TBCD: variants seen among roughly 807,000 people sequenced by gnomAD.
The protein encoded by TBCD is tubulin folding cofactor D, also known as tubulin-specific chaperone D.
In TBCD, 105 loss-of-function variants were observed where a neutral mutation model predicts 169.3. The ratio of observed to expected loss-of-function variants is 0.62; its 90% CI spans 0.53 to 0.73. The LOEUF is 0.73. TBCD is among the 30% of genes least tolerant of loss of function. The pLI is 0.00. For synonymous variants in TBCD, 700 were observed against 643.9 expected (o/e 1.09, Z -1.32); for missense variants, 1,444 against 1,600.1 (o/e 0.90, Z 1.66).
At chr17:82,883,097 C>T (rs917658074) in intron 14 of TBCD, among the ~76,000 whole-genome samples, 2 of 152,254 alleles carry the variant, frequency 1.3e-5, no homozygotes, top group African/African-American at 2.4e-5. Context: ...GCACACCTGG[C>T]GTCACCATTG....
chr17:82,770,006 C>G (rs1031823672), intron 5 of TBCD, among the ~76,000 whole-genome samples: 2 of 152,006 alleles, frequency 1.3e-5, no homozygotes, highest in Admixed American at 6.6e-5. Context: ...CTCGTTTAAC[C>G]GAGAAGGCAA....
intron 13 of TBCD, chr17:82,838,840 A>G: frequency 8.1e-6 from 8 of 985,428 alleles, no homozygotes; most frequent in Non-Finnish European, 9.6e-6. Flanking sequence ...TGAGCTCGTA[A>G]ACAAACGCTC....
intron 6 of TBCD, 78 bp downstream of exon 6, chr17:82,772,585 G>A: frequency 2.0e-6 from 3 of 1,466,498 alleles, no homozygotes; most frequent in Non-Finnish European, 2.9e-6. Context: ...TGTTTCATGT[G>A]CGTCTTCAGT....
At chr17:82,869,209 T>G (rs2057391148) in intron 13 of TBCD, among the ~76,000 whole-genome samples, 1 of 152,210 alleles carries the variant, frequency 6.6e-6, no homozygotes, top group Admixed American at 6.5e-5. Context: ...CCAAAGCACT[T>G]GAAATACATG....
At chr17:82,871,148 T>C (rs1005280859) in intron 14 of TBCD, among the ~76,000 whole-genome samples, 1 of 150,750 alleles carries the variant, frequency 6.6e-6, no homozygotes, top group African/African-American at 2.5e-5. Flanking sequence ...CGGTGTCCAG[T>C]GCGCGCACCC....
At chr17:82,821,820 G>T (rs899248234) in intron 13 of TBCD, among the ~76,000 whole-genome samples, 9 of 152,150 alleles carry the variant, frequency 5.9e-5, no homozygotes, top group African/African-American at 1.9e-4. Flanking sequence ...CTGCATGTCG[G>T]AAATACAGAC....
chr17:82,863,079 T>C (rs1005718489), intron 13 of TBCD, among the ~76,000 whole-genome samples: 4 of 152,150 alleles, frequency 2.6e-5, no homozygotes, highest in Non-Finnish European at 5.9e-5. Flanking sequence ...AAAGTGAAGA[T>C]ATGAGGATGG....
chr17:82,839,100 G>A (rs1244435350), intron 13 of TBCD: 3 of 437,198 alleles, frequency 6.9e-6, no homozygotes, highest in South Asian at 9.6e-5. Flanking sequence ...TTTTGTTTTC[G>A]AAAGCTTATG....
Position 82,929,167 on chromosome 17 carries a change from T to C in TBCD, c.2748T>C (p.Arg916=). The change falls in exon 31 of 39, where the codon CGT becomes CGC. Residue 916 remains arginine (R), a synonymous_variant. Transcript: ENST00000355528. ...AGCAGGCCAGTGAGAAGATTGACCG[T>C]TTCCGTGCTCACGCCGCCAGCGTGT... The part of the protein sequence containing the change: ...VAQQASEKID[R]FRAHAASVFL... 1 of 1,613,538 alleles carries C rather than the reference T, an allele frequency of 6.2e-7. No individual in the cohort carries two copies. Among genetic ancestry groups the C allele is most frequent in the African/African-American group, 1.3e-5 (1 of 75,026 alleles).
intron 28 of TBCD, 80 bp downstream of exon 28, chr17:82,926,571 C>G: frequency 8.1e-7 from 1 of 1,227,666 alleles, no homozygotes; most frequent in South Asian, 1.3e-5. Context: ...TGTTTTTGCT[C>G]AGAGGCAGGA....
chr17:82,942,735 G>GT lies in TBCD; in HGVS notation c.*273dup. On this transcript the variant is annotated 3_prime_UTR_variant, in exon 39 of 39. Transcript: ENST00000355528. ...TGCCTTTTGTCTCTGAGCCTGATGT[G>GT]TGTAGGGGTGATGGAAAGGCTCACT... 2 of 552,782 alleles carry GT rather than the reference G, an allele frequency of 3.6e-6. No individual in the cohort carries two copies. 34.2% of individuals were successfully genotyped at this position (552,782 alleles called of 1,614,324 possible).
At chr17:82,851,863 C>T (rs781099879) in intron 13 of TBCD, among the ~76,000 whole-genome samples, 2 of 152,184 alleles carry the variant, frequency 1.3e-5, no homozygotes, top group African/African-American at 4.8e-5. Flanking sequence ...GCAAAATAGA[C>T]GTTCCGAGAG....
At chr17:82,753,062 C>G (rs1474291359) in intron 1 of TBCD, among the ~76,000 whole-genome samples, 1 of 152,204 alleles carries the variant, frequency 6.6e-6, no homozygotes, top group Non-Finnish European at 1.5e-5. Context: ...TGGGTTATTT[C>G]CAAACAAGTC....
At chr17:82,901,475 G>C (rs997706877) in intron 18 of TBCD, among the ~76,000 whole-genome samples, 1 of 148,176 alleles carries the variant, frequency 6.7e-6, no homozygotes, top group Non-Finnish European at 1.5e-5. Context: ...GAGCGGCCCG[G>C]CTGCCTGCCG....
intron 24 of TBCD, chr17:82,921,214 G>C (rs979678831): frequency 1.6e-5 from 8 of 506,188 alleles, no homozygotes; most frequent in Non-Finnish European, 2.8e-5. Flanking sequence ...TGAAGGAAAA[G>C]ATTTAGGGGT....
chr17:82,855,235 CTTTTTTTTTTTT>C lies in TBCD; in HGVS notation c.1319-14964_1319-14953del, dbSNP rs58346723. 1.0e-3 allele frequency among the ~76,000 whole-genome samples: 54 copies of C among 54,034 alleles called. 1 individual carries two copies. Among genetic ancestry groups the C allele is most frequent in the Middle Eastern group, 0.017 (1 of 58 alleles). The allele number at this position is 54,034 out of a possible 152,430, so 35.4% of individuals were successfully genotyped here. On this transcript the variant is annotated intron_variant, in intron 13 of 38. Transcript: ENST00000355528. ...CCAGAGGGGCAGGGAAAGGTGTTTG[CTTTTTTTTTTTT>C]TTTTTTTTTTTTTTTTTTTTTTTTA... is the stretch of plus-strand genomic sequence containing the variant.
At chr17:82,906,992 G>A (rs1238405731) in intron 20 of TBCD, among the ~76,000 whole-genome samples, 2 of 152,252 alleles carry the variant, frequency 1.3e-5, no homozygotes, top group Non-Finnish European at 2.9e-5. Context: ...TCCCCCAGCA[G>A]TGAGATGTGA....
At chr17:82,812,750 C>T (rs12943788) in intron 12 of TBCD, among the ~76,000 whole-genome samples, 55,411 of 152,098 alleles carry the variant, frequency 0.36, 10,327 homozygotes, top group Middle Eastern at 0.41. Context: ...ACCATGTTGG[C>T]CAGTCGGGTC....
At chr17:82,899,902 T>C (rs1599364407) in intron 17 of TBCD, among the ~76,000 whole-genome samples, 1 of 152,356 alleles carries the variant, frequency 6.6e-6, no homozygotes, top group Non-Finnish European at 1.5e-5. Context: ...TATTGGCCTT[T>C]TATTTATTTT....
Sources: allele counts gnomAD v4.1 joint callset (sites outside exome capture counted in the v4.1 genomes callset), GRCh38; gene constraint gnomAD v4.1.1; transcripts MANE v1.5; gene names NCBI Gene and HGNC (gene_info 2026-07-23, HGNC 2026-07-21).